The following ZNF250 variants were observed in gnomAD, a reference collection of about 807,000 sequenced individuals.
The protein encoded by ZNF250 is zinc finger protein 250, also known as zinc finger protein (clone 647).
ZNF250 carries 13 observed loss-of-function variants against 37.1 expected under a neutral mutation model. The observed-to-expected ratio is 0.35, with a 90% CI of 0.23 to 0.56. The LOEUF (loss-of-function observed/expected upper bound fraction) is 0.56. Ranked by LOEUF, ZNF250 falls within the 20% of genes least tolerant of loss-of-function variation. The pLI, the probability that ZNF250 is intolerant of heterozygous loss-of-function variation, is 0.87. For missense variants in ZNF250, 474 were observed against 697.9 expected, an observed-to-expected ratio of 0.68 and a Z score of 3.61; for synonymous variants, 251 against 265.6, an observed-to-expected ratio of 0.94 and a Z score of 0.54.
Position 144,877,302 on chromosome 8 carries a change from G to A in ZNF250, c.*4213C>T, listed in dbSNP as rs1028716439. ...TTCGCCATGCTGGTCTCAAAGTCCT[G>A]GGCTCAAGCGATCCACCCACTTCAG... On this transcript the variant is annotated 3_prime_UTR_variant, in exon 6 of 6. Coordinates refer to ENST00000417550, the MANE Select transcript of ZNF250 (RefSeq NM_001109689.4). The A allele has an allele frequency of 6.6e-6, 1 of 152,010 alleles. No homozygotes were observed. The highest frequency in any genetic ancestry group is 2.4e-5 in the African/African-American group (1 of 41,358). The allele number at this position is 152,010 out of a possible 1,614,324, so 9.4% of individuals were successfully genotyped here.
At chr8:144,896,424 A>C (rs1176709289) in intron 1 of ZNF250, among the ~76,000 whole-genome samples, 2 of 152,222 alleles carry the variant, frequency 1.3e-5, no homozygotes. Flanking sequence ...TAACTAGTTT[A>C]AATTTTTTCC....
intron 1 of ZNF250, among the ~76,000 whole-genome samples, chr8:144,898,106 G>A (rs974239951): frequency 2.6e-5 from 4 of 152,154 alleles, no homozygotes; most frequent in African/African-American, 9.7e-5. Context: ...AGACCAGCCT[G>A]GGTGACATGG....
intron 5 of ZNF250, among the ~76,000 whole-genome samples, chr8:144,885,080 C>T (rs1268425154): frequency 6.6e-6 from 1 of 152,120 alleles, no homozygotes; most frequent in Non-Finnish European, 1.5e-5. Flanking sequence ...GAGAATTTAA[C>T]AGTTTTTTTA....
chr8:144,901,030 C>T lies in ZNF250; in HGVS notation c.-55+369G>A, dbSNP rs886336425. 6.6e-6 allele frequency among the ~76,000 whole-genome samples: 1 copy of T among 152,058 alleles called. No individual in the cohort carries two copies. The highest frequency in any genetic ancestry group is 1.5e-5 in the Non-Finnish European group (1 of 68,000). On this transcript the variant is annotated intron_variant, in intron 1 of 5. Coordinates refer to ENST00000417550, the MANE Select transcript of ZNF250 (RefSeq NM_001109689.4). This position sits in a 1 kb window ranked among gnomAD's most constrained non-coding sequence, Gnocchi z 5.4. ...GCCCGGTAGAAAGCGCGCGGGAGGG[C>T]ACGAGGGGGAGGAAGGCCGGAGATC...
intron 4 of ZNF250, among the ~76,000 whole-genome samples, chr8:144,889,334 C>G (rs1179533560): frequency 6.6e-6 from 1 of 152,260 alleles, no homozygotes; most frequent in African/African-American, 2.4e-5. Context: ...CAGCCATGCC[C>G]TAACTTCCTC....
In ZNF250 at chr8:144,890,426, T is replaced by G; in HGVS notation, c.-54-23A>C. 7.3e-7 allele frequency: 1 copy of G among 1,364,312 alleles called. No homozygotes were observed. The highest frequency in any genetic ancestry group is 9.6e-7 in the Non-Finnish European group (1 of 1,040,318). The allele number at this position is 1,364,312 out of a possible 1,614,324, so 84.5% of individuals were successfully genotyped here. On this transcript the variant is annotated intron_variant, in intron 1 of 5. Transcript: ENST00000417550. The surrounding 1 kb of genome is among the most constrained non-coding windows in gnomAD (Gnocchi z 5.1). ...GGGCTGAGGAAGAGGAGGGGGCAAG[T>G]GAGGGGCATGGCCTTGAGACCGTAA...
intron 1 of ZNF250, among the ~76,000 whole-genome samples, chr8:144,895,851 T>C (rs1832684308): frequency 6.7e-6 from 1 of 149,448 alleles, no homozygotes; most frequent in Admixed American, 6.7e-5. Context: ...CTACTAAAAA[T>C]ACAAAAAGTT....
At chr8:144,899,808 AACTCACCCCAC>A in intron 1 of ZNF250, among the ~76,000 whole-genome samples, 1 of 152,226 alleles carries the variant, frequency 6.6e-6, no homozygotes, top group Non-Finnish European at 1.5e-5. Context: ...CTGTATTCCA[AACTCACCCCAC>A]AATAAAATAA....
Position 144,897,632 on chromosome 8 carries a change from G to C in ZNF250, c.-55+3767C>G. On this transcript the variant is annotated intron_variant, in intron 1 of 5. Coordinates refer to ENST00000417550, the MANE Select transcript of ZNF250 (RefSeq NM_001109689.4). This position sits in a 1 kb window ranked among gnomAD's most constrained non-coding sequence, Gnocchi z 5.2. Reference sequence around the variant, plus strand: ...TAGAGGAATTAAAGACACACACACAGAAATATAGAGGTGTGAAGTGGGAAA... The same window carrying C: ...TAGAGGAATTAAAGACACACACACACAAATATAGAGGTGTGAAGTGGGAAA... Among the ~76,000 whole-genome samples, 1 of 152,134 alleles carries C rather than the reference G, an allele frequency of 6.6e-6. No homozygotes were observed. Among genetic ancestry groups the C allele is most frequent in the Non-Finnish European group, 1.5e-5 (1 of 68,044 alleles).
At chr8:144,888,095 T>C (rs1395814817) in intron 4 of ZNF250, among the ~76,000 whole-genome samples, 3 of 152,254 alleles carry the variant, frequency 2.0e-5, no homozygotes, top group African/African-American at 7.2e-5. Context: ...GTCACCTTAC[T>C]GAAGTCAGAG....
chr8:144,878,465 T>G lies in ZNF250; in HGVS notation c.*3050A>C, dbSNP rs1410051514. Reference sequence around the variant, plus strand: ...TTTCTGAAGAATCACATCAGCAGTCTCAGCCTCTCTTAAGTAACATCTCTG... The same window carrying G: ...TTTCTGAAGAATCACATCAGCAGTCGCAGCCTCTCTTAAGTAACATCTCTG... On this transcript the variant is annotated 3_prime_UTR_variant, in exon 6 of 6. Transcript: ENST00000417550. 6.6e-6 allele frequency: 1 copy of G among 152,234 alleles called. No homozygotes were observed. The highest frequency in any genetic ancestry group is 1.5e-5 in the Non-Finnish European group (1 of 68,040). 9.4% of individuals were successfully genotyped at this position (152,234 alleles called of 1,614,324 possible). A position where few individuals can be genotyped will look rare whatever the true frequency, so the allele number is the denominator to read the frequency against.
chr8:144,881,745 C>T lies in ZNF250; in HGVS notation c.1438G>A (p.Gly480Ser), dbSNP rs1831483251. The stretch of plus-strand genomic sequence containing the variant: ...GTTGCTTTCAGGCTGAAGGCTTTGC[C>T]ACATTCTGTGCACTGGAAGGGCTTT... ...GEKPFQCTEC[G>S]KAFSLKATLI... is the part of the protein sequence containing the mutation. Residue 480 changes from glycine to serine, a missense_variant, in exon 6 of 6, where the codon GGC (glycine) becomes AGC (serine). Around this residue, in one of 2 missense-constraint regions of ZNF250, gnomAD observed 282 missense variants for 470.4 expected, o/e 0.60. Coordinates refer to ENST00000417550, the MANE Select transcript of ZNF250 (RefSeq NM_001109689.4). The T allele has an allele frequency of 1.2e-6, 2 of 1,614,098 alleles. No individual in the cohort carries two copies.
At chr8:144,900,131 C>T (rs1371543442) in intron 1 of ZNF250, among the ~76,000 whole-genome samples, 1 of 152,158 alleles carries the variant, frequency 6.6e-6, no homozygotes, top group African/African-American at 2.4e-5. Flanking sequence ...GAAGGGATTT[C>T]AATCTCACCA....
chr8:144,892,571 T>C (rs886316745), intron 1 of ZNF250, among the ~76,000 whole-genome samples: 1 of 152,084 alleles, frequency 6.6e-6, no homozygotes, highest in African/African-American at 2.4e-5. Flanking sequence ...TTTTTTTTTT[T>C]GAGACAGAGT....
At position 144,894,884 on chromosome 8, in the gene ZNF250, G is replaced by T. The variant is rs182005310; in HGVS notation, c.-54-4481C>A. ...TTGCTGTGTTGCCCAGACTGGTCTT[G>T]AACTCCTAGGCTCAAGGGATCCTCC... On this transcript the variant is annotated intron_variant, in intron 1 of 5. Transcript: ENST00000417550. 6.6e-5 allele frequency among the ~76,000 whole-genome samples: 10 copies of T among 151,152 alleles called. No individual in the cohort carries two copies. In the East Asian group the frequency reaches 1.2e-3, roughly 18 times the overall value.
rs1237787390 is a variant in ZNF250 at position 144,901,011 on chromosome 8, T to C, written c.-55+388A>G. Among the ~76,000 whole-genome samples the C allele has an allele frequency of 6.6e-6, 1 of 150,918 alleles. No individual in the cohort carries two copies. Among genetic ancestry groups the C allele is most frequent in the Non-Finnish European group, 1.5e-5 (1 of 67,736 alleles). On this transcript the variant is annotated intron_variant, in intron 1 of 5. Coordinates refer to ENST00000417550, the MANE Select transcript of ZNF250 (RefSeq NM_001109689.4). The surrounding 1 kb of genome is among the most constrained non-coding windows in gnomAD (Gnocchi z 5.4). ...TCCTGGCCCTAGGCACGGCGCCCGG[T>C]AGAAAGCGCGCGGGAGGGCACGAGG...
chr8:144,882,977 C>T lies in ZNF250; in HGVS notation c.347-141G>A, dbSNP rs1344234059. Reference sequence around the variant, plus strand: ...TGTGAGCTACAGAAGAACAGAACCACCATAACTGTGTCAAACAACTAGATA... The same window carrying T: ...TGTGAGCTACAGAAGAACAGAACCATCATAACTGTGTCAAACAACTAGATA... On this transcript the variant is annotated intron_variant, in intron 5 of 5. Transcript: ENST00000417550. This position sits in a 1 kb window ranked among gnomAD's most constrained non-coding sequence, Gnocchi z 5.5. 5.4e-6 allele frequency: 5 copies of T among 920,652 alleles called. No homozygotes were observed. The highest frequency in any genetic ancestry group is 6.6e-6 in the Non-Finnish European group (4 of 603,248). 57.0% of individuals were successfully genotyped at this position (920,652 alleles called of 1,614,324 possible). A position where few individuals can be genotyped will look rare whatever the true frequency, so the allele number is the denominator to read the frequency against.
chr8:144,893,863 C>T (rs999050559), intron 1 of ZNF250, among the ~76,000 whole-genome samples: 9 of 152,154 alleles, frequency 5.9e-5, no homozygotes, highest in Non-Finnish European at 1.3e-4. Context: ...AACTCCTCCT[C>T]CTACCTGCAT....
chr8:144,889,830 A>AGCAAACCTCCAGGACCAGCCTGTCCCAG (rs1216725219), intron 3 of ZNF250, 103 bp downstream of exon 3: 3 of 1,482,368 alleles, frequency 2.0e-6, no homozygotes, highest in Non-Finnish European at 2.7e-6. Flanking sequence ...AGGTGATGAG[A>AGCAAACCTCCAGGACCAGCCTGTCCCAG]GCAAACCTCC....
Sources: gnomAD v4.1 joint callset for allele counts (sites outside exome capture counted in the v4.1 genomes callset) on GRCh38, gnomAD v4.1.1 for gene constraint, gnomAD v4.1.1 regional missense constraint, Gnocchi (gnomAD v3.1) non-coding constraint, MANE v1.5 for transcripts, NCBI Gene and HGNC (gene_info 2026-07-23, HGNC 2026-07-21) for gene names.